The following IGF1 variants were observed in gnomAD, a reference collection of about 807,000 sequenced individuals.
IGF1 encodes the protein insulin like growth factor 1.
IGF1 carries 4 observed loss-of-function variants against 13.8 expected under a neutral mutation model. The ratio of observed to expected loss-of-function variants is 0.29; its 90% confidence interval spans 0.14 to 0.66. The LOEUF (loss-of-function observed/expected upper bound fraction) is 0.66. IGF1 is among the 30% of genes least tolerant of loss of function. IGF1 has a pLI of 0.78. For synonymous variants in IGF1, 76 were observed against 72.6 expected (o/e 1.05, Z -0.23); for missense variants, 124 against 188.5 (o/e 0.66, Z 2.00).
intron 3 of IGF1, among the ~76,000 whole-genome samples, chr12:102,406,922 G>A (rs553837626): frequency 1.1e-4 from 17 of 151,860 alleles, no homozygotes; most frequent in African/African-American, 2.9e-4. Context: ...GTGAAACCCC[G>A]TCTCTACTAA....
chr12:102,476,873 T>G (rs564410645), intron 1 of IGF1, among the ~76,000 whole-genome samples: 1 of 152,302 alleles, frequency 6.6e-6, no homozygotes, highest in South Asian at 2.1e-4. Context: ...CATGCTAAGA[T>G]GATCATTAAG....
intron 2 of IGF1, among the ~76,000 whole-genome samples, chr12:102,472,254 T>G (rs1290731651): frequency 2.0e-5 from 3 of 152,182 alleles, no homozygotes; most frequent in African/African-American, 7.2e-5. Flanking sequence ...CTGTTCCATT[T>G]ATGATGGGAT....
At chr12:102,416,255 G>A (rs1047281543) in intron 3 of IGF1, among the ~76,000 whole-genome samples, 1 of 152,178 alleles carries the variant, frequency 6.6e-6, no homozygotes, top group African/African-American at 2.4e-5. Context: ...CTTCCGTCTT[G>A]TACCCTTTCT....
At chr12:102,433,869 G>C (rs1876965132) in intron 2 of IGF1, among the ~76,000 whole-genome samples, 1 of 152,108 alleles carries the variant, frequency 6.6e-6, no homozygotes, top group Non-Finnish European at 1.5e-5. Flanking sequence ...TCCCTCTACA[G>C]GGTTTTTGTG....
intron 2 of IGF1, among the ~76,000 whole-genome samples, chr12:102,432,730 G>A (rs1280608312): frequency 1.3e-5 from 2 of 152,132 alleles, no homozygotes; most frequent in Non-Finnish European, 2.9e-5. Context: ...CAAGGAAAAT[G>A]AAATTGATGA....
intron 1 of IGF1, chr12:102,478,723 C>T: frequency 8.5e-7 from 1 of 1,174,806 alleles, no homozygotes. Flanking sequence ...GGATTTAAGT[C>T]AATCTTTTCC....
In IGF1 at chr12:102,400,803, T is replaced by C. The variant is rs933578467; in HGVS notation, c.*1704A>G. On this transcript the variant is annotated 3_prime_UTR_variant, in exon 4 of 4. Transcript: ENST00000337514. ...TGAGTGCTAACAAAGAGTAATTAAT[T>C]CCCCTTTCACTGGTAGAAATCTCTT... 6.6e-6 allele frequency: 1 copy of C among 152,296 alleles called. No individual in the cohort carries two copies. Among genetic ancestry groups the C allele is most frequent in the Non-Finnish European group, 1.5e-5 (1 of 68,028 alleles). 9.4% of individuals were successfully genotyped at this position (152,296 alleles called of 1,614,324 possible).
At chr12:102,476,429 G>A (rs1175392667) in intron 1 of IGF1, among the ~76,000 whole-genome samples, 2 of 151,954 alleles carry the variant, frequency 1.3e-5, no homozygotes, top group African/African-American at 2.4e-5. Context: ...GAGAGAGAGA[G>A]AGAGAGAGAG....
At chr12:102,459,678 T>C (rs1733573556) in intron 2 of IGF1, among the ~76,000 whole-genome samples, 1 of 152,160 alleles carries the variant, frequency 6.6e-6, no homozygotes, top group South Asian at 2.1e-4. Flanking sequence ...CACTTGCTCT[T>C]GAGGAAATAT....
chr12:102,445,477 G>A (rs1242742832), intron 2 of IGF1, among the ~76,000 whole-genome samples: 1 of 152,094 alleles, frequency 6.6e-6, no homozygotes, highest in Non-Finnish European at 1.5e-5. Flanking sequence ...GGATTCCTAG[G>A]TATTTTATTC....
intron 2 of IGF1, among the ~76,000 whole-genome samples, chr12:102,448,140 A>G (rs1298975905): frequency 3.3e-5 from 5 of 150,896 alleles, no homozygotes; most frequent in African/African-American, 1.2e-4. Flanking sequence ...GCGATTCCTC[A>G]GGGATCTAGA....
intron 3 of IGF1, chr12:102,417,391 A>G (rs1875237031): frequency 3.5e-6 from 1 of 288,742 alleles, no homozygotes; most frequent in Non-Finnish European, 5.2e-6. Context: ...AGTCTTGCTG[A>G]GCATTTGGGG....
chr12:102,402,607 T>A (rs765479439), intron 3 of IGF1, 41 bp from the exon 4 acceptor site: 1 of 780,010 alleles, frequency 1.3e-6, no homozygotes, highest in East Asian at 2.4e-5. Context: ...CTTGATGAAG[T>A]TTTATGTATC....
intron 3 of IGF1, among the ~76,000 whole-genome samples, chr12:102,402,925 T>G (rs908038022): frequency 6.6e-6 from 1 of 152,226 alleles, no homozygotes; most frequent in African/African-American, 2.4e-5. Flanking sequence ...AGAAAAAAAA[T>G]CAATCACATT....
chr12:102,471,288 A>G (rs913275530), intron 2 of IGF1, among the ~76,000 whole-genome samples: 5 of 152,152 alleles, frequency 3.3e-5, no homozygotes, highest in Admixed American at 6.5e-5. Context: ...AACCTAGACT[A>G]TGAGTCTGTT....
chr12:102,460,452 C>A (rs894670953), intron 2 of IGF1, among the ~76,000 whole-genome samples: 5 of 152,148 alleles, frequency 3.3e-5, no homozygotes, highest in Admixed American at 6.5e-5. Flanking sequence ...TGGGTCCCCC[C>A]ACAAAGAAAC....
intron 2 of IGF1, among the ~76,000 whole-genome samples, chr12:102,448,433 G>C (rs1357132416): frequency 6.8e-6 from 1 of 146,104 alleles, no homozygotes; most frequent in Non-Finnish European, 1.5e-5. Context: ...GTAAACTATC[G>C]CAAGAACAAA....
chr12:102,429,295 T>A (rs1426501888), intron 2 of IGF1, among the ~76,000 whole-genome samples: 1 of 152,218 alleles, frequency 6.6e-6, no homozygotes, highest in Non-Finnish European at 1.5e-5. Flanking sequence ...AATATATTAT[T>A]GCTTAAACAT....
chr12:102,452,414 G>A (rs1441021446), intron 2 of IGF1, among the ~76,000 whole-genome samples: 2 of 152,002 alleles, frequency 1.3e-5, no homozygotes, highest in African/African-American at 4.8e-5. Context: ...TTATAGCAGT[G>A]TGAGAATGGA....
Sources: gnomAD v4.1 joint callset for allele counts (sites outside exome capture counted in the v4.1 genomes callset) on GRCh38, gnomAD v4.1.1 for gene constraint, MANE v1.5 for transcripts, NCBI Gene and HGNC (gene_info 2026-07-23, HGNC 2026-07-21) for gene names.